The following COL10A1 variants were observed in gnomAD, a reference collection of about 807,000 sequenced individuals.
COL10A1 encodes the protein collagen alpha-1(X) chain.
COL10A1 carries 10 observed loss-of-function variants against 18.2 expected under a neutral mutation model. The ratio of observed to expected loss-of-function variants is 0.55; its 90% CI spans 0.34 to 0.93. The LOEUF (loss-of-function observed/expected upper bound fraction) is 0.93. Among genes scored for constraint, COL10A1 ranks in the 40% least tolerant of loss-of-function variants. The pLI is 0.02. For missense variants in COL10A1, 897 were observed against 853.5 expected (o/e 1.05, Z -0.64); for synonymous variants, 330 against 316.6 (o/e 1.04, Z -0.45).
chr6:116,119,765 T>G lies in COL10A1; in HGVS notation c.*308A>C, dbSNP rs888498389. 3.6e-5 allele frequency: 9 copies of G among 250,646 alleles called. No homozygotes were observed. The highest frequency in any genetic ancestry group is 2.0e-4 in the Admixed American group (4 of 20,280). The allele number at this position is 250,646 out of a possible 1,614,324, so 15.5% of individuals were successfully genotyped here. ...TTCTGTTTTTTTTTTTAATTTTTTT[T>G]TTGTTGTTTGTTTTTTGTTGTTTGT... On this transcript the variant is annotated 3_prime_UTR_variant, in exon 3 of 3. Transcript: ENST00000651968.
chr6:116,163,529 TTAG>T (rs1780394229), upstream of COL10A1, among the ~76,000 whole-genome samples: 1 of 152,110 alleles, frequency 6.6e-6, no homozygotes, highest in Non-Finnish European at 1.5e-5. Context: ...TTTAATCTAG[TTAG>T]TAGTCTATCA....
chr6:116,153,839 AT>A (rs1405094584), intron 1 of COL10A1, among the ~76,000 whole-genome samples: 1 of 151,992 alleles, frequency 6.6e-6, no homozygotes, highest in Non-Finnish European at 1.5e-5. Flanking sequence ...TTCTCTGTGG[AT>A]TTTATTGAAG....
At chr6:116,126,526 G>A (rs577857955), upstream of COL10A1, among the ~76,000 whole-genome samples, 12 of 152,096 alleles carry the variant, frequency 7.9e-5, no homozygotes, top group African/African-American at 2.7e-4. Flanking sequence ...CTTGAAGGGG[G>A]TACTGGATTT....
chr6:116,159,053 T>A (rs1210077287), upstream of COL10A1, among the ~76,000 whole-genome samples: 1 of 152,244 alleles, frequency 6.6e-6, no homozygotes, highest in Non-Finnish European at 1.5e-5. Flanking sequence ...CTAAATGATA[T>A]GTACATTTTA....
the COL10A1 span, among the ~76,000 whole-genome samples, chr6:116,199,996 A>AG: frequency 0.05 from 4,915 of 97,802 alleles, 311 homozygotes; most frequent in African/African-American, 0.23. Flanking sequence ...ACAGTATGGA[A>AG]AGTGGGGGGG....
the COL10A1 span, among the ~76,000 whole-genome samples, chr6:116,166,599 T>C: frequency 6.6e-6 from 1 of 152,202 alleles, no homozygotes; most frequent in Non-Finnish European, 1.5e-5. Flanking sequence ...TTCCCAGATA[T>C]TTCCCTTGAG....
At chr6:116,156,543 G>A (rs1780199786) in intron 1 of COL10A1, among the ~76,000 whole-genome samples, 1 of 152,290 alleles carries the variant, frequency 6.6e-6, no homozygotes, top group South Asian at 2.1e-4. Flanking sequence ...GGGAAGAGGA[G>A]ACCGATTACA....
At chr6:116,180,428 C>A in the COL10A1 span, among the ~76,000 whole-genome samples, 1 of 152,110 alleles carries the variant, frequency 6.6e-6, no homozygotes, top group African/African-American at 2.4e-5. Flanking sequence ...ACTTTATAAT[C>A]CCTAATGAAA....
At chr6:116,123,551 T>A (rs1251351469) in intron 2 of COL10A1, among the ~76,000 whole-genome samples, 2 of 152,242 alleles carry the variant, frequency 1.3e-5, no homozygotes, top group East Asian at 3.8e-4. Flanking sequence ...CATAATTTAG[T>A]ATGTTTTGAC....
chr6:116,138,732 G>A (rs1308646297), intron 1 of COL10A1, among the ~76,000 whole-genome samples: 1 of 151,942 alleles, frequency 6.6e-6, no homozygotes, highest in Non-Finnish European at 1.5e-5. Context: ...TTACTAATGG[G>A]GTACATGTAG....
At chr6:116,133,387 CT>C (rs1296526524) in intron 1 of COL10A1, among the ~76,000 whole-genome samples, 1 of 152,142 alleles carries the variant, frequency 6.6e-6, no homozygotes, top group Non-Finnish European at 1.5e-5. Flanking sequence ...CAGGGTAACA[CT>C]TTTTATTTAG....
chr6:116,209,694 T>G, the COL10A1 span, among the ~76,000 whole-genome samples: 1 of 151,672 alleles, frequency 6.6e-6, no homozygotes, highest in Non-Finnish European at 1.5e-5. Context: ...TTATTTGGGG[T>G]TTTTTTTCCT....
At chr6:116,165,090 C>G in the COL10A1 span, among the ~76,000 whole-genome samples, 1 of 94,420 alleles carries the variant, frequency 1.1e-5, no homozygotes, top group Non-Finnish European at 2.0e-5. Flanking sequence ...GAGCGAGACT[C>G]CGTCTCAGAA....
chr6:116,170,250 A>G, the COL10A1 span, among the ~76,000 whole-genome samples: 1 of 151,844 alleles, frequency 6.6e-6, no homozygotes, highest in South Asian at 2.1e-4. Context: ...TTGTGTCCCC[A>G]CCAGTGATTG....
chr6:116,146,444 T>C (rs1779899349), intron 1 of COL10A1, among the ~76,000 whole-genome samples: 1 of 152,200 alleles, frequency 6.6e-6, no homozygotes, highest in Non-Finnish European at 1.5e-5. Flanking sequence ...TAACTGGAGT[T>C]GCTTTACTCA....
At chr6:116,145,336 A>G in intron 1 of COL10A1, 1 of 244,634 alleles carries the variant, frequency 4.1e-6, no homozygotes, top group South Asian at 4.5e-5. Flanking sequence ...TGAGTTCAGT[A>G]ACTCTATGAA....
intron 2 of COL10A1, among the ~76,000 whole-genome samples, chr6:116,122,724 T>G (rs1779170494): frequency 6.6e-6 from 1 of 152,210 alleles, no homozygotes; most frequent in Non-Finnish European, 1.5e-5. Flanking sequence ...GTACAGATGT[T>G]TCTGAGATTT....
upstream of COL10A1, among the ~76,000 whole-genome samples, chr6:116,163,126 C>CAAAAAA (rs71272373): frequency 0.11 from 8,979 of 82,800 alleles, 445 homozygotes; most frequent in East Asian, 0.16. Context: ...GACTCCGTCT[C>CAAAAAA]AAAAAAAAAA....
the COL10A1 span, among the ~76,000 whole-genome samples, chr6:116,207,973 T>G: frequency 1.3e-5 from 2 of 151,972 alleles, no homozygotes; most frequent in African/African-American, 4.8e-5. Flanking sequence ...TCTGTTAGGC[T>G]ACCTACTACA....
Sources: gnomAD v4.1 joint callset for allele counts (sites outside exome capture counted in the v4.1 genomes callset) on GRCh38, gnomAD v4.1.1 for gene constraint, MANE v1.5 for transcripts, NCBI Gene and HGNC (gene_info 2026-07-23, HGNC 2026-07-21) for gene names.